The following DPP6 variants were observed in gnomAD, a reference collection of about 807,000 sequenced individuals.
The protein encoded by DPP6 is dipeptidyl peptidase like 6, also known as A-type potassium channel modulatory protein DPP6.
In DPP6, 69 loss-of-function variants were observed where a neutral mutation model predicts 122.6. That is an observed-to-expected ratio of 0.56 (90% CI 0.46 to 0.69). The LOEUF (loss-of-function observed/expected upper bound fraction) is 0.69, where lower values mean the gene tolerates loss of function less well. Ranked by LOEUF, DPP6 falls within the 30% of genes least tolerant of loss-of-function variation. DPP6 has a pLI of 0.00. For synonymous variants in DPP6, 418 were observed against 433.1 expected, an observed-to-expected ratio of 0.97 and a Z score of 0.43; for missense variants, 928 against 1,116.9, an observed-to-expected ratio of 0.83 and a Z score of 2.41.
intron 1 of DPP6, among the ~76,000 whole-genome samples, chr7:154,372,770 G>C (rs1055163514): frequency 2.4e-4 from 37 of 152,216 alleles, no homozygotes; most frequent in African/African-American, 8.9e-4. Flanking sequence ...TGCAGGTTCT[G>C]CTCTGTGAGG....
chr7:153,844,146 G>T, the DPP6 span, among the ~76,000 whole-genome samples: 1 of 152,240 alleles, frequency 6.6e-6, no homozygotes, highest in South Asian at 2.1e-4. Flanking sequence ...CCCGCTGTTG[G>T]CTCATTCTGG....
chr7:154,541,362 T>C (rs1172747976), intron 4 of DPP6, among the ~76,000 whole-genome samples: 1 of 152,160 alleles, frequency 6.6e-6, no homozygotes, highest in Non-Finnish European at 1.5e-5. Flanking sequence ...CTTGAACTCC[T>C]GTACTCAAGC....
chr7:154,466,585 C>T (rs1230911950), intron 2 of DPP6, among the ~76,000 whole-genome samples: 1 of 152,162 alleles, frequency 6.6e-6, no homozygotes. Context: ...TACAGTAGTC[C>T]TACCAGATTA....
intron 1 of DPP6, among the ~76,000 whole-genome samples, chr7:154,213,681 G>C (rs745700061): frequency 6.6e-6 from 1 of 152,144 alleles, no homozygotes; most frequent in Non-Finnish European, 1.5e-5. Context: ...CACATATTAA[G>C]ATTTGAACCC....
intron 16 of DPP6, among the ~76,000 whole-genome samples, chr7:154,810,126 G>T (rs1488711477): frequency 3.3e-5 from 5 of 150,922 alleles, no homozygotes; most frequent in African/African-American, 1.2e-4. Flanking sequence ...AAAGTGCTGG[G>T]ATTACAGACA....
chr7:153,781,223 C>A, the DPP6 span, among the ~76,000 whole-genome samples: 2 of 152,160 alleles, frequency 1.3e-5, 1 homozygote, highest in East Asian at 3.9e-4. Context: ...AGGCTGAGCT[C>A]TTCCACCAGC....
At chr7:154,394,588 C>A (rs1814918864) in intron 1 of DPP6, among the ~76,000 whole-genome samples, 1 of 151,886 alleles carries the variant, frequency 6.6e-6, no homozygotes, top group Admixed American at 6.6e-5. Context: ...TAAACAATTT[C>A]TCGAAGTCCT....
chr7:154,239,992 TAAAAAAAAA>T (rs763543397), intron 1 of DPP6, among the ~76,000 whole-genome samples: 1 of 50,396 alleles, frequency 2.0e-5, no homozygotes, highest in African/African-American at 6.0e-5. Flanking sequence ...ATGCTGTCTT[TAAAAAAAAA>T]AAAAAAAAAA....
At chr7:154,823,182 C>T (rs1373835527) in intron 16 of DPP6, among the ~76,000 whole-genome samples, 1 of 152,094 alleles carries the variant, frequency 6.6e-6, no homozygotes, top group Non-Finnish European at 1.5e-5. Flanking sequence ...TTATAAAAGC[C>T]TGCTCACAAG....
chr7:154,418,947 G>A (rs769787209), intron 1 of DPP6, among the ~76,000 whole-genome samples: 7 of 152,182 alleles, frequency 4.6e-5, no homozygotes, highest in African/African-American at 1.2e-4. Context: ...GGGCTATGGC[G>A]TCAGGCACTT....
At chr7:153,792,015 A>C in the DPP6 span, among the ~76,000 whole-genome samples, 1 of 152,248 alleles carries the variant, frequency 6.6e-6, no homozygotes, top group African/African-American at 2.4e-5. Flanking sequence ...GTCTTTCCCC[A>C]GAGAGAAATC....
At chr7:154,207,299 G>A (rs1799501020) in intron 1 of DPP6, among the ~76,000 whole-genome samples, 1 of 152,102 alleles carries the variant, frequency 6.6e-6, no homozygotes, top group South Asian at 2.1e-4. Context: ...AATGCCGTTG[G>A]TGTCCATGTA....
the DPP6 span, among the ~76,000 whole-genome samples, chr7:153,818,560 A>T: frequency 6.6e-6 from 1 of 152,284 alleles, no homozygotes; most frequent in Non-Finnish European, 1.5e-5. Flanking sequence ...AGGTTGCAAG[A>T]TATATTGTAT....
intron 1 of DPP6, among the ~76,000 whole-genome samples, chr7:154,378,028 C>T (rs1163486655): frequency 6.6e-6 from 1 of 152,134 alleles, no homozygotes; most frequent in East Asian, 1.9e-4. Flanking sequence ...AGAAGTGTGT[C>T]CTGTGTCCAT....
At chr7:153,964,967 TCA>T (rs1795602348) in intron 1 of DPP6, among the ~76,000 whole-genome samples, 1 of 142,100 alleles carries the variant, frequency 7.0e-6, no homozygotes, top group African/African-American at 3.0e-5. Context: ...TTTCTTTCTT[TCA>T]TTTCTTTTCC....
intron 3 of DPP6, among the ~76,000 whole-genome samples, chr7:154,521,356 AC>A (rs1202951391): frequency 6.7e-6 from 1 of 150,302 alleles, no homozygotes; most frequent in Non-Finnish European, 1.5e-5. Flanking sequence ...TCCTAATTCT[AC>A]AAATAAATTG....
At chr7:154,858,330 C>T (rs1005524186) in intron 17 of DPP6, 6 of 152,288 alleles carry the variant, frequency 3.9e-5, no homozygotes, top group Admixed American at 1.3e-4. Context: ...GAAGCAAAAG[C>T]AGAGGAGTTG....
At chr7:154,651,715 C>T (rs985045605) in intron 6 of DPP6, among the ~76,000 whole-genome samples, 19 of 152,276 alleles carry the variant, frequency 1.2e-4, no homozygotes, top group African/African-American at 2.9e-4. Context: ...TGGTTTCCGC[C>T]GTCCCAATTT....
chr7:154,420,805 C>T (rs572983174), intron 1 of DPP6, among the ~76,000 whole-genome samples: 1 of 152,146 alleles, frequency 6.6e-6, no homozygotes, highest in Admixed American at 6.5e-5. Context: ...CACTGTAGCC[C>T]GTAAGCATAT....
Sources: allele counts gnomAD v4.1 joint callset (sites outside exome capture counted in the v4.1 genomes callset), GRCh38; gene constraint gnomAD v4.1.1; transcripts MANE v1.5; gene names NCBI Gene and HGNC (gene_info 2026-07-23, HGNC 2026-07-21).